DPYSL5: variants seen among roughly 807,000 people sequenced by gnomAD.
DPYSL5 encodes dihydropyrimidinase like 5.
In DPYSL5, 9 loss-of-function variants were observed where a neutral mutation model predicts 58.4. That is an observed-to-expected ratio of 0.15 (90% CI 0.09 to 0.27). The LOEUF (loss-of-function observed/expected upper bound fraction) is 0.27. Among genes scored for constraint, DPYSL5 ranks in the 10% least tolerant of loss-of-function variants. The pLI, the probability that DPYSL5 is intolerant of heterozygous loss-of-function variation, is 1.00. For missense variants in DPYSL5, 499 were observed against 770.6 expected, an observed-to-expected ratio of 0.65 and a Z score of 4.17; for synonymous variants, 293 against 301.9, an observed-to-expected ratio of 0.97 and a Z score of 0.31.
At chr2:26,861,320 G>A (rs550569611) in intron 1 of DPYSL5, among the ~76,000 whole-genome samples, 1 of 152,296 alleles carries the variant, frequency 6.6e-6, no homozygotes, top group African/African-American at 2.4e-5. Flanking sequence ...TGGAACTGTA[G>A]GACACAGAAG....
In DPYSL5 at chr2:26,932,081, GAAAA is replaced by G. The variant is rs1338104793; in HGVS notation, c.714+398_714+401del. On this transcript the variant is annotated intron_variant, in intron 6 of 12. Transcript: ENST00000288699. ...AGAAAGAAAGAAAGAAAGAAAGAAA[GAAAA>G]GAAAAAAGAAAGAGAAAGAAAGAAA... Among the ~76,000 whole-genome samples, 678 of 70,718 alleles carry G rather than the reference GAAAA, an allele frequency of 9.6e-3. 68 individuals carry two copies. Among genetic ancestry groups the G allele is most frequent in the South Asian group, 0.032 (61 of 1,928 alleles). 46.4% of individuals were successfully genotyped at this position (70,718 alleles called of 152,430 possible). A position where few individuals can be genotyped will look rare whatever the true frequency, so the allele number is the denominator to read the frequency against.
intron 5 of DPYSL5, among the ~76,000 whole-genome samples, chr2:26,928,704 T>TATATATATATATACACACACACACACAC: frequency 2.5e-4 from 16 of 62,976 alleles, no homozygotes; most frequent in South Asian, 7.1e-4. Context: ...TATATATATA[T>TATATATATATATACACACACACACACAC]ACACACACAC....
intron 8 of DPYSL5, 75 bp from the exon 9 acceptor site, chr2:26,939,956 T>G (rs181966750): frequency 2.5e-6 from 4 of 1,580,014 alleles, no homozygotes; most frequent in African/African-American, 2.7e-5. Flanking sequence ...CGGAGGATTT[T>G]CCCTATATCT....
chr2:26,848,096 C>G (rs1435500171), upstream of DPYSL5: 3 of 151,664 alleles, frequency 2.0e-5, no homozygotes, highest in Non-Finnish European at 4.4e-5. Context: ...CGCCCCTCCC[C>G]CGCTCCCCAC....
intron 1 of DPYSL5, among the ~76,000 whole-genome samples, chr2:26,884,167 G>T (rs1663647310): frequency 2.0e-5 from 3 of 152,208 alleles, no homozygotes. Context: ...GGTGCCGGGT[G>T]GGCGAGGTGC....
intron 2 of DPYSL5, among the ~76,000 whole-genome samples, chr2:26,918,212 G>A (rs1572705734): frequency 1.3e-5 from 2 of 150,096 alleles, no homozygotes; most frequent in South Asian, 2.1e-4. Context: ...CTGCATGGGC[G>A]ACATGCCCAT....
intron 2 of DPYSL5, among the ~76,000 whole-genome samples, chr2:26,917,570 G>T (rs1269460876): frequency 6.6e-6 from 1 of 152,084 alleles, no homozygotes; most frequent in African/African-American, 2.4e-5. Flanking sequence ...AGGATGGAGT[G>T]GGGGTCAGCA....
intron 5 of DPYSL5, among the ~76,000 whole-genome samples, chr2:26,928,581 C>T (rs1325184888): frequency 1.3e-5 from 2 of 149,708 alleles, no homozygotes; most frequent in Non-Finnish European, 3.0e-5. Context: ...GCCTGTAGTC[C>T]CAGCTAACTA....
intron 1 of DPYSL5, among the ~76,000 whole-genome samples, chr2:26,880,963 T>A (rs1277587005): frequency 6.6e-6 from 1 of 152,222 alleles, no homozygotes; most frequent in Admixed American, 6.5e-5. Context: ...CACAGTTTTC[T>A]CAGCCATAAC....
Position 26,941,961 on chromosome 2 carries a change from G to A in DPYSL5, c.1101G>A (p.Lys367=), listed in dbSNP as rs1558356509. ...VIWERGVVGG[K]MDENRFVAVT... ...CTGCAACATTTCAGGTTGGAGGAAA[G>A]ATGGATGAGAACCGTTTTGTGGCCG... The change falls in exon 10 of 13, where the codon AAG becomes AAA. Residue 367 remains lysine, a synonymous_variant. Transcript: ENST00000288699. 1 of 1,614,210 alleles carries A rather than the reference G, an allele frequency of 6.2e-7. No homozygotes were observed.
intron 1 of DPYSL5, among the ~76,000 whole-genome samples, chr2:26,866,647 CATA>C (rs1355540472): frequency 6.6e-6 from 1 of 151,872 alleles, no homozygotes; most frequent in Non-Finnish European, 1.5e-5. Flanking sequence ...ATACATACAT[CATA>C]ATATCACATG....
At chr2:26,919,084 G>T (rs941856884) in intron 2 of DPYSL5, among the ~76,000 whole-genome samples, 1 of 152,170 alleles carries the variant, frequency 6.6e-6, no homozygotes, top group Non-Finnish European at 1.5e-5. Flanking sequence ...GATAAAGCTG[G>T]AAGTGACCAA....
rs1665411103 is a variant in DPYSL5, at chr2:26,944,379, G to A, written c.1441-277G>A. On this transcript the variant is annotated intron_variant, in intron 11 of 12. Transcript: ENST00000288699. The surrounding 1 kb of genome is among the most constrained non-coding windows in gnomAD (Gnocchi z 4.4). ...TTCCATCAGTGTTGAGGGGGAGCCA[G>A]TATCTCTCCCATACACATGCATGCA... Among the ~76,000 whole-genome samples the A allele has an allele frequency of 6.6e-6, 1 of 152,192 alleles. No homozygotes were observed. The highest frequency in any genetic ancestry group is 1.5e-5 in the Non-Finnish European group (1 of 68,040).
At chr2:26,873,422 C>T (rs761345516) in intron 1 of DPYSL5, among the ~76,000 whole-genome samples, 1 of 152,126 alleles carries the variant, frequency 6.6e-6, no homozygotes, top group Admixed American at 6.6e-5. Context: ...GCCTCTCAGG[C>T]GACATATAGC....
rs1456368145 is a variant in DPYSL5, at chr2:26,947,783, G to C, written c.*788G>C. 1 of 152,814 alleles carries C rather than the reference G, an allele frequency of 6.5e-6. No homozygotes were observed. Among genetic ancestry groups the C allele is most frequent in the Non-Finnish European group, 1.5e-5 (1 of 68,156 alleles). The allele number at this position is 152,814 out of a possible 1,614,324, so 9.5% of individuals were successfully genotyped here. ...TAGAATAGCGACAGGAATAGATGTG[G>C]TCCTTAGGAGACGCTGCACTTGACA... On this transcript the variant is annotated 3_prime_UTR_variant, in exon 13 of 13. Transcript: ENST00000288699. This position sits in a 1 kb window ranked among gnomAD's most constrained non-coding sequence, Gnocchi z 4.2.
chr2:26,854,320 A>T (rs980571595), intron 1 of DPYSL5, among the ~76,000 whole-genome samples: 1 of 152,104 alleles, frequency 6.6e-6, no homozygotes, highest in Non-Finnish European at 1.5e-5. Context: ...TTAGCCAGGC[A>T]TGGTGGCATA....
chr2:26,855,502 A>C (rs1318466499), intron 1 of DPYSL5, among the ~76,000 whole-genome samples: 1 of 152,106 alleles, frequency 6.6e-6, no homozygotes, highest in Non-Finnish European at 1.5e-5. Context: ...AGAAAGGAGA[A>C]CTTCTGCATT....
In DPYSL5 at chr2:26,898,936, AT is replaced by A. The variant is rs1664085680; in HGVS notation, c.261+179del. Among the ~76,000 whole-genome samples the A allele has an allele frequency of 6.6e-6, 1 of 152,188 alleles. No homozygotes were observed. The highest frequency in any genetic ancestry group is 1.5e-5 in the Non-Finnish European group (1 of 68,040). ...AGGGATTTCCGGCTTAACGTCACAGATTTCCATGATTATAGAAAAGGAGGCG... is the reference window on the plus strand; with the variant it reads ...AGGGATTTCCGGCTTAACGTCACAGATTCCATGATTATAGAAAAGGAGGCG... On this transcript the variant is annotated intron_variant, in intron 2 of 12. Transcript: ENST00000288699. This position sits in a 1 kb window ranked among gnomAD's most constrained non-coding sequence, Gnocchi z 6.1.
intron 6 of DPYSL5, among the ~76,000 whole-genome samples, chr2:26,932,201 A>AAGAAAGAAAGAAAGAAAGAC (rs1558351662): frequency 1.7e-5 from 1 of 58,812 alleles, no homozygotes; most frequent in Non-Finnish European, 4.0e-5. Flanking sequence ...GAAAGAAAGA[A>AAGAAAGAAAGAAAGAAAGAC]AGAAAGAAAA....
Sources: allele counts gnomAD v4.1 joint callset (sites outside exome capture counted in the v4.1 genomes callset), GRCh38; gene constraint gnomAD v4.1.1; non-coding constraint Gnocchi (gnomAD v3.1); transcripts MANE v1.5; gene names NCBI Gene and HGNC (gene_info 2026-07-23, HGNC 2026-07-21).